MBD5: variants seen among roughly 807,000 people sequenced by gnomAD.
The protein encoded by MBD5 is methyl-CpG binding domain protein 5.
MBD5 carries 13 observed loss-of-function variants against 117.3 expected under a neutral mutation model. The observed-to-expected ratio is 0.11, with a 90% CI of 0.07 to 0.18. The LOEUF (loss-of-function observed/expected upper bound fraction) is 0.18. Among genes scored for constraint, MBD5 ranks in the 10% least tolerant of loss-of-function variants. MBD5 has a pLI of 1.00. For synonymous variants in MBD5, 727 were observed against 766.4 expected, an observed-to-expected ratio of 0.95 and a Z score of 0.85; for missense variants, 1,879 against 2,093.8, an observed-to-expected ratio of 0.90 and a Z score of 2.00.
intron 13 of MBD5, among the ~76,000 whole-genome samples, chr2:148,510,338 T>C (rs1283845882): frequency 1.3e-5 from 2 of 152,242 alleles, no homozygotes; most frequent in Non-Finnish European, 2.9e-5. Context: ...TCTTTCTTCC[T>C]GAGATAAGTA....
intron 4 of MBD5, among the ~76,000 whole-genome samples, chr2:148,437,052 G>A (rs1444902483): frequency 3.3e-5 from 5 of 151,056 alleles, no homozygotes; most frequent in Admixed American, 2.0e-4. Flanking sequence ...GCACGATCTC[G>A]GCTCACTGCA....
At chr2:148,259,528 T>C (rs1197299093) in intron 3 of MBD5, among the ~76,000 whole-genome samples, 2 of 152,166 alleles carry the variant, frequency 1.3e-5, no homozygotes, top group Non-Finnish European at 1.5e-5. Context: ...CTCAGGATCC[T>C]ATTTGATATG....
chr2:148,086,695 G>A (rs1352038696), intron 1 of MBD5, among the ~76,000 whole-genome samples: 1 of 152,064 alleles, frequency 6.6e-6, no homozygotes, highest in Non-Finnish European at 1.5e-5. Flanking sequence ...TACAGAATAG[G>A]GGTGGGATTC....
chr2:148,053,225 C>G (rs890021853), intron 1 of MBD5, among the ~76,000 whole-genome samples: 2 of 152,096 alleles, frequency 1.3e-5, no homozygotes, highest in Non-Finnish European at 2.9e-5. Flanking sequence ...ATGTTGATAA[C>G]TGTTATATCT....
intron 1 of MBD5, among the ~76,000 whole-genome samples, chr2:148,102,282 C>A (rs1696235092): frequency 2.6e-5 from 4 of 152,110 alleles, no homozygotes; most frequent in African/African-American, 9.7e-5. Context: ...TAAGATTTTA[C>A]AAAGGCGGTT....
intron 1 of MBD5, among the ~76,000 whole-genome samples, chr2:148,065,590 A>C (rs1010211795): frequency 6.6e-6 from 1 of 152,230 alleles, no homozygotes; most frequent in Admixed American, 6.5e-5. Flanking sequence ...GGAAATTAAT[A>C]TAGGATATCA....
At chr2:148,446,602 CTGTGTG>C (rs1185100489) in intron 4 of MBD5, among the ~76,000 whole-genome samples, 17 of 148,898 alleles carry the variant, frequency 1.1e-4, no homozygotes, top group African/African-American at 4.0e-4. Flanking sequence ...GATTATTTAT[CTGTGTG>C]TGTGTGTGTG....
rs1414178244 is a variant in MBD5 at position 148,092,743 on chromosome 2, C to G, written c.-925+71059C>G. ...GCTCAGGTGATAGGTTCACCAAAAT[C>G]TCAGAAATCTCCATTAAAGAACTTT... On this transcript the variant is annotated intron_variant, in intron 1 of 13. Transcript: ENST00000642680. Among the ~76,000 whole-genome samples the G allele has an allele frequency of 2.0e-5, 3 of 151,608 alleles. No individual in the cohort carries two copies. The East Asian group carries it at 5.8e-4, about 29-fold the overall frequency.
intron 1 of MBD5, among the ~76,000 whole-genome samples, chr2:148,160,596 G>A (rs1479457156): frequency 1.3e-5 from 2 of 152,252 alleles, no homozygotes; most frequent in Non-Finnish European, 2.9e-5. Flanking sequence ...AAATATGAGG[G>A]AAACTGTTGA....
At chr2:148,341,931 A>G (rs1276724660) in intron 3 of MBD5, among the ~76,000 whole-genome samples, 3 of 152,038 alleles carry the variant, frequency 2.0e-5, no homozygotes, top group Non-Finnish European at 4.4e-5. Flanking sequence ...GATATACAAA[A>G]TTATACTACT....
chr2:148,031,043 A>G (rs1156743289), intron 1 of MBD5, among the ~76,000 whole-genome samples: 47 of 152,174 alleles, frequency 3.1e-4, no homozygotes, highest in Non-Finnish European at 4.4e-5. Flanking sequence ...TGGCAGTTAT[A>G]AAGTGGTAGA....
intron 3 of MBD5, among the ~76,000 whole-genome samples, chr2:148,280,660 A>C (rs1701227115): frequency 1.3e-5 from 2 of 152,048 alleles, no homozygotes. Context: ...AAACTCCTGC[A>C]CTCAAGTGAT....
At position 148,089,169 on chromosome 2, in the gene MBD5, C is replaced by T. The variant is rs868231793; in HGVS notation, c.-925+67485C>T. 5.9e-5 allele frequency among the ~76,000 whole-genome samples: 9 copies of T among 151,864 alleles called. No individual in the cohort carries two copies. In the South Asian group the frequency reaches 8.3e-4, roughly 14 times the overall value. On this transcript the variant is annotated intron_variant, in intron 1 of 13. Transcript: ENST00000642680. Reference sequence around the variant, plus strand: ...GGAAAATATTATAATTGTAAAGATACGTGCACCTAACATAGGAGCCTCCAA... The same window carrying T: ...GGAAAATATTATAATTGTAAAGATATGTGCACCTAACATAGGAGCCTCCAA...
chr2:148,350,226 A>G (rs1321881164), intron 4 of MBD5, among the ~76,000 whole-genome samples: 2 of 152,006 alleles, frequency 1.3e-5, no homozygotes, highest in African/African-American at 4.8e-5. Context: ...TGTGATTGCT[A>G]TTTAGAACTA....
At chr2:148,298,037 G>C (rs1222760684) in intron 3 of MBD5, among the ~76,000 whole-genome samples, 1 of 152,210 alleles carries the variant, frequency 6.6e-6, no homozygotes, top group Non-Finnish European at 1.5e-5. Context: ...GCAGAGCAGT[G>C]TGCAGAGGAG....
intron 3 of MBD5, among the ~76,000 whole-genome samples, chr2:148,284,477 C>A (rs991386290): frequency 2.6e-5 from 4 of 152,162 alleles, no homozygotes; most frequent in African/African-American, 9.7e-5. Context: ...GTTGTGCAGG[C>A]AGACTTGCAT....
At chr2:148,399,267 T>G (rs1704838265) in intron 4 of MBD5, among the ~76,000 whole-genome samples, 1 of 152,154 alleles carries the variant, frequency 6.6e-6, no homozygotes, top group African/African-American at 2.4e-5. Context: ...TCACGATATT[T>G]ATTCTTCCTA....
chr2:148,257,473 T>C (rs1048510664), intron 3 of MBD5, among the ~76,000 whole-genome samples: 1 of 152,214 alleles, frequency 6.6e-6, no homozygotes, highest in South Asian at 2.1e-4. Context: ...AACGATAGCC[T>C]CTGGGATGGC....
At chr2:148,324,636 G>C (rs1200299633) in intron 3 of MBD5, among the ~76,000 whole-genome samples, 4 of 151,842 alleles carry the variant, frequency 2.6e-5, no homozygotes, top group Non-Finnish European at 5.9e-5. Flanking sequence ...CTCTCTGTTT[G>C]TCTGTTGTTG....
Sources: allele counts gnomAD v4.1 joint callset (sites outside exome capture counted in the v4.1 genomes callset), GRCh38; gene constraint gnomAD v4.1.1; transcripts MANE v1.5; gene names NCBI Gene and HGNC (gene_info 2026-07-23, HGNC 2026-07-21).